Variants in PNPLA7 observed in about 807,000 individuals in gnomAD.
PNPLA7 encodes the protein patatin like domain 7, lysophospholipase, also known as patatin-like phospholipase domain-containing protein 7.
Under a neutral mutation model 161.7 loss-of-function variants are expected in PNPLA7, and 153 were observed. That is an observed-to-expected ratio of 0.95 (90% CI 0.83 to 1.08). PNPLA7 has a LOEUF of 1.08. Among genes scored for constraint, PNPLA7 ranks in the 50% least tolerant of loss-of-function variants. The probability of loss-of-function intolerance (pLI) is 0.00; values close to 1 mark genes in which losing one functional copy is unlikely to be tolerated. For missense variants in PNPLA7, 1,739 were observed against 1,856.6 expected (o/e 0.94, Z 1.16); for synonymous variants, 809 against 782.1 (o/e 1.03, Z -0.57).
At chr9:137,505,844 C>G in intron 13 of PNPLA7, 84 bp from the exon 14 acceptor site, 1 of 1,572,880 alleles carries the variant, frequency 6.4e-7, no homozygotes. Context: ...CTGAATCGCA[C>G]AGTGCGGAAA....
chr9:137,502,936 G>A (rs951413362), intron 14 of PNPLA7, among the ~76,000 whole-genome samples: 2 of 151,860 alleles, frequency 1.3e-5, no homozygotes, highest in Non-Finnish European at 2.9e-5. Flanking sequence ...CTTCAAGGGG[G>A]GGCACCCGAA....
chr9:137,506,450 G>A (rs540927450), intron 12 of PNPLA7, among the ~76,000 whole-genome samples: 1 of 152,140 alleles, frequency 6.6e-6, no homozygotes, highest in Non-Finnish European at 1.5e-5. Context: ...GGCCAACCCT[G>A]GGTAGAGCAC....
intron 18 of PNPLA7, among the ~76,000 whole-genome samples, chr9:137,496,807 G>C (rs1251575879): frequency 6.6e-6 from 1 of 152,214 alleles, no homozygotes; most frequent in Non-Finnish European, 1.5e-5. Flanking sequence ...ACTCGCTCAG[G>C]ATGCAGGGGC....
At chr9:137,513,710 T>C (rs1157014140) in intron 12 of PNPLA7, among the ~76,000 whole-genome samples, 1 of 151,804 alleles carries the variant, frequency 6.6e-6, no homozygotes, top group Non-Finnish European at 1.5e-5. Context: ...CTGAAACTAA[T>C]GAGACAAGAG....
intron 17 of PNPLA7, 101 bp downstream of exon 17, chr9:137,497,988 CCTTCCATGTGTGGTTTCCACAGTAA>C: frequency 1.4e-6 from 2 of 1,442,134 alleles, no homozygotes; most frequent in Non-Finnish European, 1.9e-6. Context: ...GGAAATCCAG[CCTTCCATGTGTGGTTTCCACAGTAA>C]CTTCCGTGTG....
chr9:137,481,086 CACCGACACCCAGCAAGGT>C, intron 21 of PNPLA7, 63 bp from the exon 22 acceptor site: 4 of 1,513,600 alleles, frequency 2.6e-6, no homozygotes, highest in African/African-American at 1.4e-5. Flanking sequence ...GCCAACAAGG[CACCGACACCCAGCAAGGT>C]ACCGACGCCG....
At chr9:137,529,493 T>C (rs1025833137) in intron 8 of PNPLA7, among the ~76,000 whole-genome samples, 7 of 152,144 alleles carry the variant, frequency 4.6e-5, no homozygotes, top group African/African-American at 1.7e-4. Flanking sequence ...TTCTTTGTTT[T>C]AGCAGGCGAT....
In PNPLA7 at chr9:137,523,422, G is replaced by C. The variant is rs1490713112; in HGVS notation, c.748-565C>G. Reference sequence around the variant, plus strand: ...TCACCGCGTGGATGTGGCCAGCAGAGCTCCACACGGCCAAGGAAAGAGCCC... The same window carrying C: ...TCACCGCGTGGATGTGGCCAGCAGACCTCCACACGGCCAAGGAAAGAGCCC... On this transcript the variant is annotated intron_variant, in intron 8 of 34. Transcript: ENST00000406427. The surrounding 1 kb of genome is among the most constrained non-coding windows in gnomAD (Gnocchi z 4.4). 6.6e-6 allele frequency among the ~76,000 whole-genome samples: 1 copy of C among 152,220 alleles called. No individual in the cohort carries two copies. Among genetic ancestry groups the C allele is most frequent in the Non-Finnish European group, 1.5e-5 (1 of 68,046 alleles).
intron 12 of PNPLA7, 81 bp downstream of exon 12, chr9:137,515,298 G>A: frequency 1.3e-6 from 2 of 1,521,350 alleles, no homozygotes; most frequent in South Asian, 1.2e-5. Flanking sequence ...GCGATGCTGG[G>A]CATCAGTGCA....
Position 137,490,134 on chromosome 9 carries a change from A to G in PNPLA7, c.2197+2879T>C, listed in dbSNP as rs1254830657. Among the ~76,000 whole-genome samples, 5 of 152,200 alleles carry G rather than the reference A, an allele frequency of 3.3e-5. No homozygotes were observed. Among genetic ancestry groups the G allele is most frequent in the Admixed American group, 3.3e-4 (5 of 15,276 alleles). On this transcript the variant is annotated intron_variant, in intron 20 of 34. Transcript: ENST00000406427. The surrounding 1 kb of genome is among the most constrained non-coding windows in gnomAD (Gnocchi z 4.1). ...TTTGAGGCAGGGTCTTGCTCTGTTG[A>G]CCAGGCTGGACTGCGGTGGCGCGAT...
rs550277905 is a variant in PNPLA7 at position 137,479,833 on chromosome 9, C to T, written c.2580+479G>A. The T allele has an allele frequency of 1.2e-4, 116 of 985,428 alleles. 2 individuals carry two copies. In the East Asian group the frequency reaches 4.8e-3, roughly 40 times the overall value. The allele number at this position is 985,428 out of a possible 1,614,324, so 61.0% of individuals were successfully genotyped here. A position where few individuals can be genotyped will look rare whatever the true frequency, so the allele number is the denominator to read the frequency against. On this transcript the variant is annotated intron_variant, in intron 23 of 34. Coordinates refer to ENST00000406427, the MANE Select transcript of PNPLA7 (RefSeq NM_001098537.3). Reference sequence around the variant, plus strand: ...ACCTGCAGACACAGCCTGGGGCCAGCGTCCCGAAGGTGCCTGCAGAAGGCT... The same window carrying T: ...ACCTGCAGACACAGCCTGGGGCCAGTGTCCCGAAGGTGCCTGCAGAAGGCT...
Position 137,463,398 on chromosome 9 carries a change from T to TTCTGA in PNPLA7, c.3343+16_3343+17insTCAGA. ...GAGCCTGTGCTCCTGCCGGGCGTGG[T>TTCTGA]CCCCCCACCGCAGTACCTGGGAGGT... is the stretch of plus-strand genomic sequence containing the variant. On this transcript the variant is annotated intron_variant, in intron 29 of 34. Coordinates refer to ENST00000406427, the MANE Select transcript of PNPLA7 (RefSeq NM_001098537.3). The TTCTGA allele has an allele frequency of 6.3e-7, 1 of 1,587,548 alleles. No homozygotes were observed. Among genetic ancestry groups the TTCTGA allele is most frequent in the Non-Finnish European group, 8.6e-7 (1 of 1,164,142 alleles).
intron 28 of PNPLA7, 149 bp downstream of exon 28, chr9:137,463,977 G>C: frequency 1.1e-6 from 1 of 887,758 alleles, no homozygotes; most frequent in South Asian, 1.7e-5. Context: ...CCCTAGTAGG[G>C]GCATCCTGTG....
chr9:137,485,701 G>A (rs986458426), intron 20 of PNPLA7, among the ~76,000 whole-genome samples: 6 of 152,254 alleles, frequency 3.9e-5, no homozygotes, highest in Non-Finnish European at 8.8e-5. Context: ...AGGCCCTGGA[G>A]ACCCCGGAGA....
chr9:137,548,832 G>GTGCCC lies in PNPLA7; in HGVS notation c.31-1178_31-1174dup, dbSNP rs774914052. The stretch of plus-strand genomic sequence containing the variant: ...TTCTGCACCAAGACAGAATGAGGAC[G>GTGCCC]TGCCCAGAAAGCTGAGCCCTTCGAA... On this transcript the variant is annotated intron_variant, in intron 1 of 34. Coordinates refer to ENST00000406427, the MANE Select transcript of PNPLA7 (RefSeq NM_001098537.3). Among the ~76,000 whole-genome samples, 9 of 152,302 alleles carry GTGCCC rather than the reference G, an allele frequency of 5.9e-5. No homozygotes were observed. The South Asian group carries it at 1.9e-3, about 32-fold the overall frequency.
At chr9:137,484,507 A>G in intron 21 of PNPLA7, 80 bp downstream of exon 21, 2 of 1,449,138 alleles carry the variant, frequency 1.4e-6, no homozygotes, top group African/African-American at 2.8e-5. Context: ...CGTCCCCTCG[A>G]AGACAGAGGG....
rs530201009 is a variant in PNPLA7 at position 137,537,499 on chromosome 9, G to A, written c.747+3143C>T. On this transcript the variant is annotated intron_variant, in intron 8 of 34. Coordinates refer to ENST00000406427, the MANE Select transcript of PNPLA7 (RefSeq NM_001098537.3). This position sits in a 1 kb window ranked among gnomAD's most constrained non-coding sequence, Gnocchi z 4.5. The stretch of plus-strand genomic sequence containing the variant: ...CACCCAGCTAATTTTTGTATTTTTA[G>A]TAGGGATGGGTTTCACCATGTTGGC... 6.6e-6 allele frequency among the ~76,000 whole-genome samples: 1 copy of A among 152,244 alleles called. No homozygotes were observed. The highest frequency in any genetic ancestry group is 2.1e-4 in the South Asian group (1 of 4,830).
intron 8 of PNPLA7, among the ~76,000 whole-genome samples, chr9:137,532,440 A>C (rs1835629006): frequency 6.6e-6 from 1 of 152,206 alleles, no homozygotes; most frequent in Non-Finnish European, 1.5e-5. Flanking sequence ...GTCTCCAAAA[A>C]AGAAAGGTAA....
chr9:137,487,363 G>A (rs983432142), intron 20 of PNPLA7, among the ~76,000 whole-genome samples: 1 of 152,238 alleles, frequency 6.6e-6, no homozygotes, highest in East Asian at 1.9e-4. Context: ...CCAAAGTGCC[G>A]GCCTGGAGTG....
Sources: gnomAD v4.1 joint callset for allele counts (sites outside exome capture counted in the v4.1 genomes callset) on GRCh38, gnomAD v4.1.1 for gene constraint, Gnocchi (gnomAD v3.1) non-coding constraint, MANE v1.5 for transcripts, NCBI Gene and HGNC (gene_info 2026-07-23, HGNC 2026-07-21) for gene names.